Variants in CHRM3 observed in about 807,000 individuals in gnomAD.
The protein encoded by CHRM3 is muscarinic acetylcholine receptor M3.
Under a neutral mutation model 41.8 loss-of-function variants are expected in CHRM3, and 11 were observed. The observed-to-expected ratio is 0.26, with a 90% CI of 0.17 to 0.44. CHRM3 has a LOEUF of 0.44. Ranked by LOEUF, CHRM3 falls within the 20% of genes least tolerant of loss-of-function variation. The probability of loss-of-function intolerance (pLI) is 1.00; values close to 1 mark genes in which losing one functional copy is unlikely to be tolerated. For synonymous variants in CHRM3, 297 were observed against 301.4 expected (o/e 0.99, Z 0.15); for missense variants, 571 against 745.4 (o/e 0.77, Z 2.72).
intron 5 of CHRM3, among the ~76,000 whole-genome samples, chr1:239,721,158 C>T (rs1353618553): frequency 6.6e-6 from 1 of 151,778 alleles, no homozygotes; most frequent in Non-Finnish European, 1.5e-5. Flanking sequence ...TCAAAAAATC[C>T]AATGGGTTTT....
At chr1:239,476,740 G>A (rs551145701) in intron 1 of CHRM3, among the ~76,000 whole-genome samples, 2 of 152,266 alleles carry the variant, frequency 1.3e-5, no homozygotes, top group African/African-American at 4.8e-5. Flanking sequence ...CTATCTAAAA[G>A]TTACTTTTTA....
chr1:239,537,813 C>A (rs904849770), intron 2 of CHRM3, among the ~76,000 whole-genome samples: 3 of 152,124 alleles, frequency 2.0e-5, no homozygotes, highest in Admixed American at 6.5e-5. Flanking sequence ...TCCTGAAAAT[C>A]ATTCTTTTAT....
intron 6 of CHRM3, among the ~76,000 whole-genome samples, chr1:239,881,526 CTCAA>C (rs1273399466): frequency 6.6e-6 from 1 of 152,132 alleles, no homozygotes; most frequent in Non-Finnish European, 1.5e-5. Flanking sequence ...CACCACTTCT[CTCAA>C]TCAGATTTTC....
intron 5 of CHRM3, among the ~76,000 whole-genome samples, chr1:239,747,672 G>T (rs1665485348): frequency 6.6e-6 from 1 of 152,184 alleles, no homozygotes; most frequent in Non-Finnish European, 1.5e-5. Context: ...TCTGCATTTT[G>T]AAAGTATTAG....
intron 1 of CHRM3, among the ~76,000 whole-genome samples, chr1:239,420,441 A>C (rs1661863311): frequency 6.6e-6 from 1 of 152,166 alleles, no homozygotes; most frequent in Admixed American, 6.6e-5. Flanking sequence ...ATTTGGATTC[A>C]GTAGATTTGG....
intron 5 of CHRM3, among the ~76,000 whole-genome samples, chr1:239,762,867 A>C (rs1003697949): frequency 2.6e-5 from 4 of 152,232 alleles, no homozygotes; most frequent in Admixed American, 1.3e-4. Context: ...TAGGAGCCAC[A>C]GTGAATCACA....
At chr1:239,844,412 A>G (rs1674094954) in intron 6 of CHRM3, among the ~76,000 whole-genome samples, 1 of 152,222 alleles carries the variant, frequency 6.6e-6, no homozygotes, top group South Asian at 2.1e-4. Context: ...GGAAAGAAAT[A>G]CAGTATCTAG....
chr1:239,458,896 C>A (rs978320688), intron 1 of CHRM3, among the ~76,000 whole-genome samples: 5 of 148,542 alleles, frequency 3.4e-5, no homozygotes, highest in South Asian at 2.2e-4. Flanking sequence ...GACCCCCCCC[C>A]ATCAGGGTGG....
intron 3 of CHRM3, among the ~76,000 whole-genome samples, chr1:239,579,795 G>A (rs925921603): frequency 3.3e-5 from 5 of 152,042 alleles, no homozygotes; most frequent in Admixed American, 1.3e-4. Flanking sequence ...TAATTTATAC[G>A]TCCATATTAA....
chr1:239,730,703 C>T (rs1309159340), intron 5 of CHRM3, among the ~76,000 whole-genome samples: 1 of 151,884 alleles, frequency 6.6e-6, no homozygotes, highest in African/African-American at 2.4e-5. Flanking sequence ...AGATGAAGAG[C>T]AGCACAATTT....
chr1:239,568,131 G>GTGGC (rs1661522185), intron 3 of CHRM3, among the ~76,000 whole-genome samples: 2 of 152,126 alleles, frequency 1.3e-5, no homozygotes, highest in African/African-American at 4.8e-5. Context: ...GTTTCATATG[G>GTGGC]TGGCTATCCT....
At chr1:239,477,947 G>A (rs1023719688) in intron 1 of CHRM3, among the ~76,000 whole-genome samples, 9 of 152,276 alleles carry the variant, frequency 5.9e-5, no homozygotes, top group Admixed American at 3.3e-4. Flanking sequence ...GCTGCACAGC[G>A]AGGCTGATTG....
chr1:239,446,091 C>T (rs1242828765), intron 1 of CHRM3, among the ~76,000 whole-genome samples: 7 of 152,126 alleles, frequency 4.6e-5, no homozygotes, highest in Non-Finnish European at 8.8e-5. Context: ...TGTGCACCAC[C>T]ACACCCGGCT....
intron 4 of CHRM3, among the ~76,000 whole-genome samples, chr1:239,650,937 T>G (rs545513496): frequency 1.3e-5 from 2 of 152,338 alleles, no homozygotes; most frequent in South Asian, 2.1e-4. Context: ...GCATAAAATA[T>G]GTGCACATTA....
chr1:239,532,012 T>TC (rs1238236809), intron 2 of CHRM3, among the ~76,000 whole-genome samples: 4 of 83,148 alleles, frequency 4.8e-5, no homozygotes, highest in Admixed American at 1.1e-4. Flanking sequence ...CTTCTTTCTT[T>TC]TTTTTTTTTT....
At chr1:239,730,694 G>A (rs916321199) in intron 5 of CHRM3, among the ~76,000 whole-genome samples, 2 of 151,994 alleles carry the variant, frequency 1.3e-5, no homozygotes, top group Non-Finnish European at 2.9e-5. Flanking sequence ...CTGGAGTGGA[G>A]ATGAAGAGCA....
At chr1:239,457,084 C>T (rs976910157) in intron 1 of CHRM3, among the ~76,000 whole-genome samples, 5 of 152,194 alleles carry the variant, frequency 3.3e-5, no homozygotes, top group African/African-American at 1.2e-4. Flanking sequence ...CAGCCAGATG[C>T]ATCTTTGACG....
chr1:239,835,238 G>T (rs76752761), intron 6 of CHRM3, among the ~76,000 whole-genome samples: 1 of 152,162 alleles, frequency 6.6e-6, no homozygotes, highest in Non-Finnish European at 1.5e-5. Flanking sequence ...CGGATCCTCC[G>T]TGCCAGCATG....
intron 5 of CHRM3, among the ~76,000 whole-genome samples, chr1:239,817,195 C>T (rs567464318): frequency 6.6e-6 from 1 of 152,088 alleles, no homozygotes; most frequent in African/African-American, 2.4e-5. Context: ...ATACCATTGC[C>T]CTGTGGGGAA....
Sources: gnomAD v4.1 joint callset for allele counts (sites outside exome capture counted in the v4.1 genomes callset) on GRCh38, gnomAD v4.1.1 for gene constraint, MANE v1.5 for transcripts, NCBI Gene and HGNC (gene_info 2026-07-23, HGNC 2026-07-21) for gene names.